CDKAL1: variants seen among roughly 807,000 people sequenced by gnomAD.
CDKAL1 encodes CDKAL1 threonylcarbamoyladenosine tRNA methylthiotransferase.
Under a neutral mutation model 68.2 loss-of-function variants are expected in CDKAL1, and 32 were observed. That is an observed-to-expected ratio of 0.47 (90% CI 0.35 to 0.63). CDKAL1 has a LOEUF of 0.63. CDKAL1 is among the 30% of genes least tolerant of loss of function. The probability of loss-of-function intolerance (pLI) is 0.00; values close to 1 mark genes in which losing one functional copy is unlikely to be tolerated. For missense variants in CDKAL1, 606 were observed against 696.7 expected (o/e 0.87, Z 1.47); for synonymous variants, 234 against 244.3 (o/e 0.96, Z 0.39).
intron 6 of CDKAL1, among the ~76,000 whole-genome samples, chr6:20,752,068 G>A (rs541484528): frequency 1.1e-3 from 156 of 147,752 alleles, no homozygotes; most frequent in African/African-American, 3.7e-3. Flanking sequence ...TTCCTCTTCC[G>A]CGTAACTCCC....
chr6:20,982,004 T>G (rs1285857971), intron 10 of CDKAL1, among the ~76,000 whole-genome samples: 1 of 152,210 alleles, frequency 6.6e-6, no homozygotes, highest in Non-Finnish European at 1.5e-5. Flanking sequence ...GTCAGAGTAC[T>G]TGATGTGGAA....
chr6:20,853,015 A>T (rs1759102541), intron 9 of CDKAL1, among the ~76,000 whole-genome samples: 2 of 152,252 alleles, frequency 1.3e-5, no homozygotes, highest in African/African-American at 4.8e-5. Flanking sequence ...GCAACTATTT[A>T]GTTCTGCCCT....
At chr6:21,162,977 G>A (rs1776987372) in intron 13 of CDKAL1, among the ~76,000 whole-genome samples, 1 of 152,108 alleles carries the variant, frequency 6.6e-6, no homozygotes, top group African/African-American at 2.4e-5. Context: ...AAGAGGGAAA[G>A]GGGGAGGGAG....
chr6:20,764,613 A>G (rs746890609), intron 7 of CDKAL1, among the ~76,000 whole-genome samples: 6 of 152,184 alleles, frequency 3.9e-5, no homozygotes, highest in Non-Finnish European at 7.4e-5. Context: ...GGGAAGCAGT[A>G]CTGTATCAAG....
intron 12 of CDKAL1, among the ~76,000 whole-genome samples, chr6:21,088,506 A>G (rs1434496821): frequency 5.9e-5 from 9 of 152,258 alleles, no homozygotes; most frequent in Non-Finnish European, 1.3e-4. Flanking sequence ...CCAACTTAAT[A>G]AAGAACAAAG....
intron 8 of CDKAL1, among the ~76,000 whole-genome samples, chr6:20,829,340 A>G (rs1213662324): frequency 6.6e-6 from 1 of 152,192 alleles, no homozygotes; most frequent in Non-Finnish European, 1.5e-5. Flanking sequence ...TGTGTTGTTT[A>G]TATTTTTCTT....
At chr6:20,823,516 A>G (rs1400848612) in intron 8 of CDKAL1, among the ~76,000 whole-genome samples, 2 of 152,230 alleles carry the variant, frequency 1.3e-5, no homozygotes, top group Non-Finnish European at 2.9e-5. Context: ...TGAAAAAAAG[A>G]GTGCAGCTTG....
intron 13 of CDKAL1, among the ~76,000 whole-genome samples, chr6:21,197,100 G>A (rs1778502812): frequency 6.6e-6 from 1 of 151,124 alleles, no homozygotes; most frequent in Admixed American, 6.6e-5. Flanking sequence ...GGAATTTGCA[G>A]TGAGCCAAGA....
intron 9 of CDKAL1, among the ~76,000 whole-genome samples, chr6:20,846,910 C>T (rs1778396155): frequency 6.6e-6 from 1 of 152,204 alleles, no homozygotes; most frequent in African/African-American, 2.4e-5. Context: ...TTACTCCCAA[C>T]ATGAGATAAT....
At chr6:20,920,872 A>C (rs1762923194) in intron 9 of CDKAL1, among the ~76,000 whole-genome samples, 1 of 152,224 alleles carries the variant, frequency 6.6e-6, no homozygotes, top group Non-Finnish European at 1.5e-5. Flanking sequence ...GGAATATGGC[A>C]GTCAGGAAGC....
intron 12 of CDKAL1, among the ~76,000 whole-genome samples, chr6:21,090,755 G>C (rs1562022675): frequency 6.6e-6 from 1 of 151,070 alleles, no homozygotes; most frequent in Non-Finnish European, 1.5e-5. Flanking sequence ...ATATGTGTAT[G>C]TGTGAACTAA....
At chr6:20,860,489 C>G (rs540489046) in intron 9 of CDKAL1, among the ~76,000 whole-genome samples, 22 of 152,260 alleles carry the variant, frequency 1.4e-4, no homozygotes, top group Non-Finnish European at 2.6e-4. Flanking sequence ...CATTGCATTA[C>G]TAGAGCTTGG....
chr6:20,856,530 A>G (rs193267710), intron 9 of CDKAL1, among the ~76,000 whole-genome samples: 4 of 152,330 alleles, frequency 2.6e-5, no homozygotes, highest in Non-Finnish European at 5.9e-5. Flanking sequence ...ACTTTGGGAA[A>G]TCATCTGATA....
chr6:21,206,096 G>C (rs1467733513), intron 15 of CDKAL1, among the ~76,000 whole-genome samples: 1 of 151,958 alleles, frequency 6.6e-6, no homozygotes, highest in Non-Finnish European at 1.5e-5. Context: ...CTCCCAAAGT[G>C]CTGGGATTAC....
chr6:21,208,006 A>C, intron 15 of CDKAL1, among the ~76,000 whole-genome samples: 1 of 147,344 alleles, frequency 6.8e-6, no homozygotes, highest in African/African-American at 2.6e-5. Flanking sequence ...TCTTCCTCTT[A>C]CTCTTTATGT....
intron 4 of CDKAL1, among the ~76,000 whole-genome samples, chr6:20,623,966 G>T (rs1201541008): frequency 6.6e-6 from 1 of 152,066 alleles, no homozygotes; most frequent in Non-Finnish European, 1.5e-5. Context: ...CTGGCACAGA[G>T]AATATGCTCA....
Position 21,231,094 on chromosome 6 carries a change from C to A in CDKAL1, c.*55C>A. The A allele has an allele frequency of 7.2e-7, 1 of 1,381,968 alleles. No individual in the cohort carries two copies. Among genetic ancestry groups the A allele is most frequent in the Non-Finnish European group, 1.0e-6 (1 of 1,003,388 alleles). The allele number at this position is 1,381,968 out of a possible 1,614,324, so 85.6% of individuals were successfully genotyped here. A position where few individuals can be genotyped will look rare whatever the true frequency, so the allele number is the denominator to read the frequency against. On this transcript the variant is annotated 3_prime_UTR_variant, in exon 16 of 16. Transcript: ENST00000274695. Reference sequence around the variant, plus strand: ...AGAATACATTTCTAATTAAAATCTTCAATGAACAGGAAAGCGACATCTCCA... The same window carrying A: ...AGAATACATTTCTAATTAAAATCTTAAATGAACAGGAAAGCGACATCTCCA...
At chr6:21,134,856 A>T (rs1239335688) in intron 13 of CDKAL1, among the ~76,000 whole-genome samples, 1 of 152,218 alleles carries the variant, frequency 6.6e-6, no homozygotes, top group Non-Finnish European at 1.5e-5. Flanking sequence ...AAGTAAAATT[A>T]GTACTTTAAT....
chr6:21,181,131 A>C (rs1032271260), intron 13 of CDKAL1, among the ~76,000 whole-genome samples: 2 of 152,168 alleles, frequency 1.3e-5, no homozygotes, highest in African/African-American at 4.8e-5. Context: ...ACTCACCTTT[A>C]TAAAAACCCA....
Sources: gnomAD v4.1 joint callset for allele counts (sites outside exome capture counted in the v4.1 genomes callset) on GRCh38, gnomAD v4.1.1 for gene constraint, MANE v1.5 for transcripts, NCBI Gene and HGNC (gene_info 2026-07-23, HGNC 2026-07-21) for gene names.